The following CNTNAP2 variants were observed in gnomAD, a reference collection of about 807,000 sequenced individuals.
CNTNAP2 encodes contactin-associated protein-like 2.
Under a neutral mutation model 155.2 loss-of-function variants are expected in CNTNAP2, and 98 were observed. That is an observed-to-expected ratio of 0.63 (90% CI 0.54 to 0.75). The LOEUF (loss-of-function observed/expected upper bound fraction) is 0.75. Among genes scored for constraint, CNTNAP2 ranks in the 30% least tolerant of loss-of-function variants. The pLI, the probability that CNTNAP2 is intolerant of heterozygous loss-of-function variation, is 0.00. For synonymous variants in CNTNAP2, 651 were observed against 631.2 expected (o/e 1.03, Z -0.47); for missense variants, 1,727 against 1,688.1 (o/e 1.02, Z -0.40).
intron 3 of CNTNAP2, 56 bp from the exon 4 acceptor site, chr7:147,043,851 C>T: frequency 1.3e-6 from 2 of 1,594,570 alleles, no homozygotes; most frequent in East Asian, 2.2e-5. Context: ...AGACAGAGGA[C>T]ATGATTGTTT....
chr7:147,146,049 T>G (rs1345820226), intron 8 of CNTNAP2, among the ~76,000 whole-genome samples: 1 of 152,210 alleles, frequency 6.6e-6, no homozygotes, highest in East Asian at 1.9e-4. Flanking sequence ...TGTGTGAGCT[T>G]GACATGAGGC....
intron 13 of CNTNAP2, among the ~76,000 whole-genome samples, chr7:147,710,777 A>T (rs1796390619): frequency 6.6e-6 from 1 of 152,202 alleles, no homozygotes; most frequent in African/African-American, 2.4e-5. Flanking sequence ...CCATCAGAAC[A>T]GATGGCTTAT....
intron 15 of CNTNAP2, among the ~76,000 whole-genome samples, chr7:148,093,682 A>G (rs1309953316): frequency 6.6e-6 from 1 of 152,224 alleles, no homozygotes; most frequent in Admixed American, 6.5e-5. Context: ...ATGTAGGTGG[A>G]TTGTCTGAAA....
intron 1 of CNTNAP2, among the ~76,000 whole-genome samples, chr7:146,405,994 C>A (rs2129109682): frequency 6.6e-6 from 1 of 152,188 alleles, no homozygotes; most frequent in East Asian, 1.9e-4. Context: ...TGACTGAAAA[C>A]AGTGATCAAC....
At chr7:147,857,834 A>G (rs759908238) in intron 13 of CNTNAP2, among the ~76,000 whole-genome samples, 1 of 152,234 alleles carries the variant, frequency 6.6e-6, no homozygotes, top group Non-Finnish European at 1.5e-5. Context: ...TACAAATTAC[A>G]TTCAAGCAAC....
At chr7:148,047,803 G>A (rs527621885) in intron 15 of CNTNAP2, among the ~76,000 whole-genome samples, 3 of 152,268 alleles carry the variant, frequency 2.0e-5, no homozygotes, top group East Asian at 3.9e-4. Context: ...CATGGAATCC[G>A]CAAATAATTA....
At chr7:146,437,438 A>G (rs1427116199) in intron 1 of CNTNAP2, among the ~76,000 whole-genome samples, 1 of 151,578 alleles carries the variant, frequency 6.6e-6, no homozygotes, top group Non-Finnish European at 1.5e-5. Context: ...ACTATATTTC[A>G]TATTATCTAG....
intron 9 of CNTNAP2, among the ~76,000 whole-genome samples, chr7:147,368,676 T>C (rs1796288614): frequency 6.6e-6 from 1 of 152,128 alleles, no homozygotes; most frequent in Non-Finnish European, 1.5e-5. Flanking sequence ...AAGTCTTCAT[T>C]AAAATAAGGG....
intron 1 of CNTNAP2, among the ~76,000 whole-genome samples, chr7:146,137,129 T>C (rs538693717): frequency 6.6e-6 from 1 of 152,320 alleles, no homozygotes; most frequent in East Asian, 1.9e-4. Flanking sequence ...GTATCCTTTA[T>C]AGAGTAGCCT....
At chr7:146,707,617 C>T (rs2129174490) in intron 1 of CNTNAP2, among the ~76,000 whole-genome samples, 1 of 152,232 alleles carries the variant, frequency 6.6e-6, no homozygotes, top group Non-Finnish European at 1.5e-5. Flanking sequence ...CCATCTCCAT[C>T]TCTCAGAAGG....
intron 1 of CNTNAP2, among the ~76,000 whole-genome samples, chr7:146,726,662 C>T (rs1485925431): frequency 6.6e-6 from 1 of 152,098 alleles, no homozygotes; most frequent in Non-Finnish European, 1.5e-5. Flanking sequence ...AATGCCAACA[C>T]TTAGATTATT....
At chr7:146,681,847 G>A (rs1800510416) in intron 1 of CNTNAP2, among the ~76,000 whole-genome samples, 1 of 152,072 alleles carries the variant, frequency 6.6e-6, no homozygotes, top group Non-Finnish European at 1.5e-5. Flanking sequence ...GAAAGTAAGA[G>A]CTTCTAATGC....
intron 1 of CNTNAP2, among the ~76,000 whole-genome samples, chr7:146,712,385 C>CTATATAGTATACATATCTTATGTATAA (rs1232637853): frequency 7.7e-6 from 1 of 129,478 alleles, no homozygotes. Flanking sequence ...CTTATGTATA[C>CTATATAGTATACATATCTTATGTATAA]TATATATATA....
intron 3 of CNTNAP2, among the ~76,000 whole-genome samples, chr7:146,864,081 GTATAATATCA>G (rs1795155858): frequency 6.6e-6 from 1 of 151,818 alleles, no homozygotes; most frequent in Admixed American, 6.6e-5. Flanking sequence ...CTTTCTATAT[GTATAATATCA>G]TTCAGTGTTT....
intron 1 of CNTNAP2, among the ~76,000 whole-genome samples, chr7:146,147,882 G>A (rs1404606870): frequency 1.3e-5 from 2 of 152,016 alleles, no homozygotes; most frequent in Non-Finnish European, 2.9e-5. Context: ...GCTAAACCAG[G>A]CCATTTTACG....
intron 1 of CNTNAP2, among the ~76,000 whole-genome samples, chr7:146,722,109 T>C (rs981527188): frequency 3.3e-5 from 5 of 151,436 alleles, no homozygotes; most frequent in African/African-American, 9.8e-5. Context: ...AGGCTGGTTT[T>C]GAACTCCTGA....
At chr7:147,226,549 A>T (rs1803549367) in intron 8 of CNTNAP2, among the ~76,000 whole-genome samples, 1 of 151,450 alleles carries the variant, frequency 6.6e-6, no homozygotes, top group South Asian at 2.1e-4. Context: ...AAAAAAAATC[A>T]TTAGAGGAAA....
At chr7:146,631,708 G>A (rs1346734634) in intron 1 of CNTNAP2, among the ~76,000 whole-genome samples, 1 of 152,168 alleles carries the variant, frequency 6.6e-6, no homozygotes, top group Non-Finnish European at 1.5e-5. Flanking sequence ...GGACCATACT[G>A]AGTCTGCTGT....
At chr7:147,173,417 T>G (rs943350255) in intron 8 of CNTNAP2, among the ~76,000 whole-genome samples, 3 of 152,132 alleles carry the variant, frequency 2.0e-5, no homozygotes, top group African/African-American at 7.2e-5. Flanking sequence ...AAACTTATAA[T>G]GAGATCCAGA....
Sources: gnomAD v4.1 joint callset for allele counts (sites outside exome capture counted in the v4.1 genomes callset) on GRCh38, gnomAD v4.1.1 for gene constraint, MANE v1.5 for transcripts, NCBI Gene and HGNC (gene_info 2026-07-23, HGNC 2026-07-21) for gene names.